Variants in SIPA1 observed in about 807,000 individuals in gnomAD.
SIPA1 encodes the protein signal-induced proliferation-associated 1, also known as signal-induced proliferation-associated protein 1.
In SIPA1, 51 loss-of-function variants were observed where a neutral mutation model predicts 88.1. That is an observed-to-expected ratio of 0.58 (90% CI 0.46 to 0.73). SIPA1 has a LOEUF of 0.73. Ranked by LOEUF, SIPA1 falls within the 30% of genes least tolerant of loss-of-function variation. The probability of loss-of-function intolerance (pLI) is 0.00; values close to 1 mark genes in which losing one functional copy is unlikely to be tolerated. For missense variants in SIPA1, 1,348 were observed against 1,467.6 expected, an observed-to-expected ratio of 0.92 and a Z score of 1.33; for synonymous variants, 681 against 664.8, an observed-to-expected ratio of 1.02 and a Z score of -0.37.
intron 5 of SIPA1, among the ~76,000 whole-genome samples, chr11:65,645,369 C>G (rs572609771): frequency 6.6e-6 from 1 of 152,080 alleles, no homozygotes; most frequent in South Asian, 2.1e-4. Flanking sequence ...GGTTTGGGGG[C>G]ACTACCCCTC....
chr11:65,648,133 A>G (rs1360033578), intron 9 of SIPA1, among the ~76,000 whole-genome samples: 1 of 152,030 alleles, frequency 6.6e-6, no homozygotes, highest in Non-Finnish European at 1.5e-5. Flanking sequence ...TCGCCCTCCC[A>G]AAGTTCTGGG....
rs746587636 is a variant in SIPA1, at chr11:65,641,419, G to C, written c.498G>C (p.Val166=). Residue 166 remains valine (V), a synonymous_variant, in exon 2 of 16, where the codon GTG becomes GTC. Coordinates refer to ENST00000534313, the MANE Select transcript of SIPA1 (RefSeq NM_006747.4). The stretch of plus-strand genomic sequence containing the variant: ...TGCTGCATGGGGCACCTGGCTTTGT[G>C]TGTGAGCTCGGGGGTGAGGGTGAGC... ...SDLLHGAPGF[V]CELGGEGELG... The C allele has an allele frequency of 3.1e-6, 5 of 1,613,020 alleles. No individual in the cohort carries two copies. Among genetic ancestry groups the C allele is most frequent in the Non-Finnish European group, 4.2e-6 (5 of 1,180,016 alleles).
rs1250468099 is a variant in SIPA1, at chr11:65,649,310, G to C, written c.2355G>C (p.Arg785=). 3.9e-6 allele frequency: 6 copies of C among 1,556,022 alleles called. No homozygotes were observed. Among genetic ancestry groups the C allele is most frequent in the South Asian group, 3.5e-5 (3 of 84,748 alleles). The change falls in exon 10 of 16, where the codon CGG becomes CGC. Residue 785 remains arginine (R), a synonymous_variant. Coordinates refer to ENST00000534313, the MANE Select transcript of SIPA1 (RefSeq NM_006747.4). ...TGTCGCTGCAGGAGCCTAGCCGGCGGGGGGCCCCAGATCCTGTGCAGGATG... is the reference window on the plus strand; with the variant it reads ...TGTCGCTGCAGGAGCCTAGCCGGCGCGGGGCCCCAGATCCTGTGCAGGATG... ...YTLSLQEPSR[R]GAPDPVQDEV...
rs886256331 is a variant in SIPA1 at position 65,642,182 on chromosome 11, G to T, written c.680-68G>T. On this transcript the variant is annotated intron_variant, in intron 2 of 15. Transcript: ENST00000534313. The surrounding 1 kb of genome is among the most constrained non-coding windows in gnomAD (Gnocchi z 6.5). ...AGCCTAGGGCGGGGCTTAGTGATGC[G>T]CGTGGTCGAGCGGGGGCGGGGCTGC... 1 of 1,528,948 alleles carries T rather than the reference G, an allele frequency of 6.5e-7. No individual in the cohort carries two copies. The highest frequency in any genetic ancestry group is 8.8e-7 in the Non-Finnish European group (1 of 1,139,912). The allele number at this position is 1,528,948 out of a possible 1,614,324, so 94.7% of individuals were successfully genotyped here. A position where few individuals can be genotyped will look rare whatever the true frequency, so the allele number is the denominator to read the frequency against.
intron 1 of SIPA1, among the ~76,000 whole-genome samples, chr11:65,638,794 C>T (rs976434558): frequency 1.9e-4 from 29 of 152,244 alleles, no homozygotes; most frequent in Non-Finnish European, 4.1e-4. Context: ...GAGAACACCC[C>T]TCAAGGCAGC....
rs748581382 is a variant in SIPA1, at chr11:65,642,466, C to T, written c.811C>T (p.Arg271Trp). The T allele has an allele frequency of 2.2e-5, 35 of 1,611,568 alleles. No homozygotes were observed. Among genetic ancestry groups the T allele is most frequent in the Non-Finnish European group, 2.7e-5 (32 of 1,179,438 alleles). Residue 271 changes from arginine to tryptophan, a missense_variant, in exon 4 of 16, where the codon CGG (arginine) becomes TGG (tryptophan). Physicochemically the swap from Arg to Trp is moderately radical, Grantham distance 101. Coordinates refer to ENST00000534313, the MANE Select transcript of SIPA1 (RefSeq NM_006747.4). The surrounding 1 kb of genome is among the most constrained non-coding windows in gnomAD (Gnocchi z 6.5). The part of the protein sequence containing the change: ...YRVIVRTTQL[R>W]TLRGTISEDA... Reference sequence around the variant, plus strand: ...TGCCCTTACACCCCTTCCTCAGCTCCGGACACTCCGTGGCACCATCTCGGA... The same window carrying T: ...TGCCCTTACACCCCTTCCTCAGCTCTGGACACTCCGTGGCACCATCTCGGA...
Position 65,650,239 on chromosome 11 carries a change from C to A in SIPA1, c.2903+47C>A. 3 of 1,597,586 alleles carry A rather than the reference C, an allele frequency of 1.9e-6. No homozygotes were observed. The Admixed American group carries it at 5.0e-5, about 27-fold the overall frequency. On this transcript the variant is annotated intron_variant, in intron 14 of 15. Transcript: ENST00000534313. ...AGCCGCTTTACCTGCCCACATGACC[C>A]CCCCTTCGTGCCTGTCTGCTGGGGT... is the stretch of plus-strand genomic sequence containing the variant.
chr11:65,650,718 C>CAG lies in SIPA1; in HGVS notation c.*3_*4insAG. 6.4e-7 allele frequency: 1 copy of CAG among 1,566,704 alleles called. No individual in the cohort carries two copies. The highest frequency in any genetic ancestry group is 8.7e-7 in the Non-Finnish European group (1 of 1,155,858). On this transcript the variant is annotated 3_prime_UTR_variant, in exon 16 of 16. Transcript: ENST00000534313. ...CACCCACCGCCGACCTGGCCTGAGC[C>CAG]GTCTGGAACCACCTGGGCCCCTGAG...
At chr11:65,641,942 G>T (rs1213723036) in intron 2 of SIPA1, among the ~76,000 whole-genome samples, 1 of 152,192 alleles carries the variant, frequency 6.6e-6, no homozygotes, top group Admixed American at 6.5e-5. Context: ...AACCTTGTTC[G>T]CACCAGCACT....
intron 4 of SIPA1, among the ~76,000 whole-genome samples, chr11:65,644,501 TGGA>T (rs1028766167): frequency 5.3e-5 from 8 of 151,578 alleles, no homozygotes; most frequent in African/African-American, 9.7e-5. Context: ...CTGTGCTGTT[TGGA>T]GGAGTTCAGA....
chr11:65,650,846 C>T lies in SIPA1; in HGVS notation c.*131C>T, dbSNP rs934956350. Reference sequence around the variant, plus strand: ...GCCCCTTATTTGGTGGCGGAAGTGGCCTCCACCCCTTCCCTGTTTGTAAAT... The same window carrying T: ...GCCCCTTATTTGGTGGCGGAAGTGGTCTCCACCCCTTCCCTGTTTGTAAAT... On this transcript the variant is annotated 3_prime_UTR_variant, in exon 16 of 16. Coordinates refer to ENST00000534313, the MANE Select transcript of SIPA1 (RefSeq NM_006747.4). The T allele has an allele frequency of 2.1e-6, 2 of 962,150 alleles. No individual in the cohort carries two copies. Among genetic ancestry groups the T allele is most frequent in the Admixed American group, 5.9e-5 (2 of 33,914 alleles). The allele number at this position is 962,150 out of a possible 1,614,324, so 59.6% of individuals were successfully genotyped here.
rs1856130250 is a variant in SIPA1, at chr11:65,646,835, G to A, written c.1801G>A (p.Gly601Ser). 1.5e-6 allele frequency: 2 copies of A among 1,336,604 alleles called. No homozygotes were observed. Among genetic ancestry groups the A allele is most frequent in the Admixed American group, 3.8e-5 (1 of 26,038 alleles). The allele number at this position is 1,336,604 out of a possible 1,614,324, so 82.8% of individuals were successfully genotyped here. The change falls in exon 8 of 16, where the codon GGC becomes AGC. Residue 601 changes from glycine (G) to serine (S), a missense_variant. By Grantham distance (56) the Gly-to-Ser change is moderately conservative (BLOSUM62 0). Coordinates refer to ENST00000534313, the MANE Select transcript of SIPA1 (RefSeq NM_006747.4). The surrounding 1 kb of genome is among the most constrained non-coding windows in gnomAD (Gnocchi z 7.5). ...GGTCGCCGCCGGGGCTCAGGCGAGC[G>A]GCCCCGAAGGCATCGAGGTGCCCTG... The part of the protein sequence containing the change: ...ARVAAGAQAS[G>S]PEGIEVPCLL...
chr11:65,646,007 C>A lies in SIPA1; in HGVS notation c.1263+50C>A. 3 of 1,411,182 alleles carry A rather than the reference C, an allele frequency of 2.1e-6. No individual in the cohort carries two copies. The highest frequency in any genetic ancestry group is 3.0e-6 in the Non-Finnish European group (3 of 1,011,052). The allele number at this position is 1,411,182 out of a possible 1,614,324, so 87.4% of individuals were successfully genotyped here. ...TGGGGCTTCCGGGAACCATGGAGGG[C>A]CCTGCATGGCCCATGACGTTTGAGC... On this transcript the variant is annotated intron_variant, in intron 6 of 15. Coordinates refer to ENST00000534313, the MANE Select transcript of SIPA1 (RefSeq NM_006747.4). This position sits in a 1 kb window ranked among gnomAD's most constrained non-coding sequence, Gnocchi z 7.5.
chr11:65,644,838 A>G (rs1339898329), intron 4 of SIPA1, 117 bp from the exon 5 acceptor site: 3 of 1,017,584 alleles, frequency 2.9e-6, no homozygotes, highest in Non-Finnish European at 4.4e-6. Flanking sequence ...CAAGGGCACA[A>G]GTGGCTCAGA....
At chr11:65,647,164 G>A (rs1856140853) in intron 8 of SIPA1, 99 bp downstream of exon 8, 5 of 1,416,496 alleles carry the variant, frequency 3.5e-6, no homozygotes, top group Non-Finnish European at 4.6e-6. Context: ...TCCTGCGGAA[G>A]GGAAAGTCGA....
chr11:65,642,417 C>T lies in SIPA1; in HGVS notation c.807+40C>T. Reference sequence around the variant, plus strand: ...CGGGATCAGGACGTGGGTTGCCTCCCCGACACCTTGTATGCATCCTGAGTG... The same window carrying T: ...CGGGATCAGGACGTGGGTTGCCTCCTCGACACCTTGTATGCATCCTGAGTG... On this transcript the variant is annotated intron_variant, in intron 3 of 15. Transcript: ENST00000534313. The surrounding 1 kb of genome is among the most constrained non-coding windows in gnomAD (Gnocchi z 6.5). The T allele has an allele frequency of 3.1e-6, 5 of 1,597,138 alleles. No individual in the cohort carries two copies. The highest frequency in any genetic ancestry group is 4.3e-6 in the Non-Finnish European group (5 of 1,170,278).
chr11:65,643,648 T>G (rs1856051527), intron 4 of SIPA1, among the ~76,000 whole-genome samples: 1 of 152,194 alleles, frequency 6.6e-6, no homozygotes, highest in Non-Finnish European at 1.5e-5. Context: ...ACGGTAGTGA[T>G]GAGAGCCCTT....
intron 1 of SIPA1, among the ~76,000 whole-genome samples, chr11:65,640,587 GC>G (rs1283064318): frequency 6.6e-6 from 1 of 152,258 alleles, no homozygotes; most frequent in African/African-American, 2.4e-5. Context: ...TCCCAGGGCT[GC>G]CCAGGCTCCA....
At position 65,641,368 on chromosome 11, in the gene SIPA1, C is replaced by T. The variant is rs371211285; in HGVS notation, c.447C>T (p.Ala149=). 1.3e-5 allele frequency: 21 copies of T among 1,613,202 alleles called. No individual in the cohort carries two copies. Among genetic ancestry groups the T allele is most frequent in the African/African-American group, 6.7e-5 (5 of 74,924 alleles). ...SEASSGTLAS[A]EDQAASSDLL... ...CCAGCTCTGGGACCCTGGCTTCAGC[C>T]GAGGACCAGGCTGCCAGCTCGGACC... Residue 149 remains alanine (A), a synonymous_variant, in exon 2 of 16, where the codon GCC becomes GCT. Transcript: ENST00000534313.
Sources: allele counts gnomAD v4.1 joint callset (sites outside exome capture counted in the v4.1 genomes callset), GRCh38; gene constraint gnomAD v4.1.1; non-coding constraint Gnocchi (gnomAD v3.1); transcripts MANE v1.5; gene names NCBI Gene and HGNC (gene_info 2026-07-23, HGNC 2026-07-21).